ARID1B: variants seen among roughly 807,000 people sequenced by gnomAD.
The protein encoded by ARID1B is AT-rich interactive domain-containing protein 1B.
A neutral mutation model predicts 212.3 loss-of-function variants in ARID1B; 30 were observed. That is an observed-to-expected ratio of 0.14 (90% CI 0.11 to 0.19). ARID1B has a LOEUF of 0.19. Among genes scored for constraint, ARID1B ranks in the 10% least tolerant of loss-of-function variants. ARID1B has a pLI of 1.00. For missense variants in ARID1B, 2,891 were observed against 3,204.0 expected (o/e 0.90, Z 2.36); for synonymous variants, 1,402 against 1,301.7 (o/e 1.08, Z -1.66).
chr6:157,165,648 A>G (rs1791276928), intron 8 of ARID1B, among the ~76,000 whole-genome samples: 1 of 152,100 alleles, frequency 6.6e-6, no homozygotes, highest in African/African-American at 2.4e-5. Context: ...TAGGAGTTCG[A>G]GACTGGCCTG....
chr6:156,889,863 C>A (rs1391873994), intron 2 of ARID1B, among the ~76,000 whole-genome samples: 3 of 152,122 alleles, frequency 2.0e-5, no homozygotes, highest in Non-Finnish European at 2.9e-5. Flanking sequence ...CGTTGGTTGA[C>A]TATACATTTG....
chr6:156,947,544 A>G (rs1337322270), intron 4 of ARID1B, among the ~76,000 whole-genome samples: 1 of 151,904 alleles, frequency 6.6e-6, no homozygotes, highest in Non-Finnish European at 1.5e-5. Context: ...ATGGGTTACC[A>G]CGTTGAGCAC....
At chr6:156,828,324 G>T (rs534746662) in intron 1 of ARID1B, among the ~76,000 whole-genome samples, 39 of 152,142 alleles carry the variant, frequency 2.6e-4, no homozygotes, top group Non-Finnish European at 4.6e-4. Context: ...AAGTCCCCAT[G>T]TACTTACCTC....
At chr6:157,156,810 A>G (rs1407538449) in intron 8 of ARID1B, among the ~76,000 whole-genome samples, 1 of 152,184 alleles carries the variant, frequency 6.6e-6, no homozygotes, top group Non-Finnish European at 1.5e-5. Context: ...CGGAGGCAGC[A>G]TGGAGTGGGA....
In ARID1B at chr6:157,208,238, TTTA is replaced by T. The variant is rs1054982476; in HGVS notation, c.*348_*350del. ...GCATTTTTGGGGGAAGCAAATTGAC[TTTA>T]AAGAAAAAAGTTGTGGCAAAAGATG... is the stretch of plus-strand genomic sequence containing the variant. On this transcript the variant is annotated 3_prime_UTR_variant, in exon 20 of 20. Transcript: ENST00000636930. 10 of 249,868 alleles carry T rather than the reference TTTA, an allele frequency of 4.0e-5. No individual in the cohort carries two copies. The highest frequency in any genetic ancestry group is 2.0e-4 in the African/African-American group (9 of 45,896). 15.5% of individuals were successfully genotyped at this position (249,868 alleles called of 1,614,324 possible).
At chr6:157,068,703 G>A (rs1004580963) in intron 4 of ARID1B, among the ~76,000 whole-genome samples, 6 of 152,336 alleles carry the variant, frequency 3.9e-5, no homozygotes, top group East Asian at 1.9e-4. Context: ...CTTACATAGT[G>A]TGAAATACCT....
chr6:156,830,382 C>G (rs1001374190), intron 2 of ARID1B, among the ~76,000 whole-genome samples: 1 of 152,140 alleles, frequency 6.6e-6, no homozygotes, highest in Non-Finnish European at 1.5e-5. Context: ...GGAAATGCTT[C>G]CATCTGACCA....
At chr6:156,896,738 G>A (rs1045559845) in intron 2 of ARID1B, among the ~76,000 whole-genome samples, 8 of 151,662 alleles carry the variant, frequency 5.3e-5, no homozygotes, top group Admixed American at 5.3e-4. Flanking sequence ...AATTAGCCTG[G>A]CGTGGTGGCA....
At chr6:157,105,640 C>T (rs576300034) in intron 5 of ARID1B, among the ~76,000 whole-genome samples, 3 of 152,104 alleles carry the variant, frequency 2.0e-5, no homozygotes, top group African/African-American at 4.8e-5. Context: ...CTTGCTCTGT[C>T]GCCCAGGCTG....
intron 1 of ARID1B, among the ~76,000 whole-genome samples, chr6:156,790,479 T>A (rs1027865133): frequency 5.3e-5 from 8 of 152,222 alleles, no homozygotes; most frequent in Admixed American, 3.9e-4. Context: ...ATAAGCAATC[T>A]GAATTTTGAG....
At chr6:156,873,944 A>G (rs1007670844) in intron 2 of ARID1B, among the ~76,000 whole-genome samples, 3 of 152,130 alleles carry the variant, frequency 2.0e-5, no homozygotes, top group Admixed American at 6.5e-5. Flanking sequence ...CTCTTCCTCC[A>G]TCTGCTTTGC....
chr6:157,016,916 A>G (rs1381774719), intron 4 of ARID1B, among the ~76,000 whole-genome samples: 1 of 152,222 alleles, frequency 6.6e-6, no homozygotes, highest in African/African-American at 2.4e-5. Flanking sequence ...ATGCCTTCCA[A>G]GGAACCTATC....
At chr6:157,096,695 C>T (rs139652965) in intron 5 of ARID1B, among the ~76,000 whole-genome samples, 85 of 152,314 alleles carry the variant, frequency 5.6e-4, no homozygotes, top group East Asian at 7.7e-4. Context: ...TCCTGAGCTG[C>T]GGGGTCCCTG....
At chr6:156,901,986 A>ATT (rs1788982174) in intron 3 of ARID1B, 1 of 168,204 alleles carries the variant, frequency 5.9e-6, no homozygotes, top group Non-Finnish European at 1.3e-5. Context: ...TGACTGTGTT[A>ATT]TTCTATTTAA....
chr6:157,170,038 C>T (rs561020872), intron 9 of ARID1B: 3 of 152,356 alleles, frequency 2.0e-5, no homozygotes, highest in Admixed American at 6.5e-5. Context: ...AAACTGAGAA[C>T]CTCCTACCTC....
intron 3 of ARID1B, among the ~76,000 whole-genome samples, chr6:156,909,537 A>T (rs1789700950): frequency 6.6e-6 from 1 of 152,150 alleles, no homozygotes; most frequent in African/African-American, 2.4e-5. Context: ...TCTTCAGAAT[A>T]CCCTTCTGTA....
chr6:157,126,110 T>G (rs1454218265), intron 6 of ARID1B, among the ~76,000 whole-genome samples: 1 of 152,160 alleles, frequency 6.6e-6, no homozygotes, highest in Non-Finnish European at 1.5e-5. Context: ...GTTTGATAGC[T>G]CAGATAGAAC....
intron 2 of ARID1B, among the ~76,000 whole-genome samples, chr6:156,895,857 C>T (rs1304584508): frequency 1.3e-5 from 2 of 152,160 alleles, no homozygotes; most frequent in African/African-American, 2.4e-5. Context: ...AAGCCACGCC[C>T]CATAATCCCC....
intron 2 of ARID1B, among the ~76,000 whole-genome samples, chr6:156,856,051 T>C (rs917420549): frequency 1.3e-5 from 2 of 152,210 alleles, no homozygotes; most frequent in African/African-American, 4.8e-5. Flanking sequence ...CAGCAGGCTC[T>C]GGAGACTTTC....
Sources: allele counts gnomAD v4.1 joint callset (sites outside exome capture counted in the v4.1 genomes callset), GRCh38; gene constraint gnomAD v4.1.1; transcripts MANE v1.5; gene names NCBI Gene and HGNC (gene_info 2026-07-23, HGNC 2026-07-21).